Variants in TACC1 observed in about 807,000 individuals in gnomAD.
TACC1 encodes transforming acidic coiled-coil containing protein 1.
TACC1 carries 48 observed loss-of-function variants against 84.4 expected under a neutral mutation model. The observed-to-expected ratio is 0.57, with a 90% confidence interval of 0.45 to 0.72. The LOEUF (loss-of-function observed/expected upper bound fraction) is 0.72. Among genes scored for constraint, TACC1 ranks in the 30% least tolerant of loss-of-function variants. The pLI is 0.00. For missense variants in TACC1, 920 were observed against 973.0 expected (o/e 0.95, Z 0.72); for synonymous variants, 372 against 376.3 (o/e 0.99, Z 0.13).
chr8:38,738,960 G>A (rs188379516), intron 1 of TACC1, among the ~76,000 whole-genome samples: 5 of 152,096 alleles, frequency 3.3e-5, no homozygotes, highest in South Asian at 2.1e-4. Flanking sequence ...GCACAATCTC[G>A]GCTCACTGCA....
At chr8:38,782,011 ATTTCT>A (rs202046261) in intron 3 of TACC1, among the ~76,000 whole-genome samples, 2,403 of 133,872 alleles carry the variant, frequency 0.018, 29 homozygotes, top group Admixed American at 0.026. Context: ...TTTTTTGCAG[ATTTCT>A]TTTTTTTTCT....
intron 7 of TACC1, among the ~76,000 whole-genome samples, chr8:38,837,916 C>T (rs1256808655): frequency 6.6e-6 from 1 of 152,246 alleles, no homozygotes; most frequent in Non-Finnish European, 1.5e-5. Context: ...TAGCAAGACT[C>T]TACCCATAAG....
intron 3 of TACC1, among the ~76,000 whole-genome samples, chr8:38,820,972 G>A (rs1274615976): frequency 3.3e-5 from 5 of 152,144 alleles, no homozygotes; most frequent in South Asian, 4.2e-4. Context: ...TTGGGAGGCC[G>A]AGGCAGGTGG....
At chr8:38,814,375 G>A (rs139912380) in intron 2 of TACC1, among the ~76,000 whole-genome samples, 2 of 152,308 alleles carry the variant, frequency 1.3e-5, no homozygotes, top group East Asian at 3.9e-4. Flanking sequence ...ACGACTGACT[G>A]CATATATGAT....
At chr8:38,823,949 T>C (rs749273936) in intron 3 of TACC1, 7 of 1,338,088 alleles carry the variant, frequency 5.2e-6, no homozygotes, top group African/African-American at 3.0e-5. Context: ...TTTCTCCATC[T>C]GTCTGTCTCT....
At chr8:38,810,577 C>T (rs536044288) in intron 2 of TACC1, among the ~76,000 whole-genome samples, 35 of 152,090 alleles carry the variant, frequency 2.3e-4, no homozygotes, top group Middle Eastern at 6.8e-3. Flanking sequence ...GTACTCTAGC[C>T]TGGGTGACAG....
chr8:38,772,539 A>T (rs1813846381), intron 3 of TACC1, among the ~76,000 whole-genome samples: 1 of 152,164 alleles, frequency 6.6e-6, no homozygotes, highest in Non-Finnish European at 1.5e-5. Flanking sequence ...TGCAGTGAAG[A>T]GAAGGAGGCA....
rs1266611563 is a variant in TACC1, at chr8:38,790,981, C to G, written c.277+2162C>G. ...TTTTCTTCCGTAAAGATTGGCAGAT[C>G]AGAAGGGAGATTTTGAAGCTTGAAA... On this transcript the variant is annotated intron_variant, in intron 2 of 12. Coordinates refer to ENST00000317827, the MANE Select transcript of TACC1 (RefSeq NM_006283.3). Among the ~76,000 whole-genome samples, 12 of 152,170 alleles carry G rather than the reference C, an allele frequency of 7.9e-5. 1 individual carries two copies. Among genetic ancestry groups the G allele is most frequent in the Admixed American group, 6.5e-5 (1 of 15,286 alleles).
At position 38,842,444 on chromosome 8, in the gene TACC1, G is replaced by A. The variant is rs1465893727; in HGVS notation, c.2118G>A (p.Lys706=). The change falls in exon 10 of 13, where the codon AAG becomes AAA. Residue 706 remains lysine, a synonymous_variant. Transcript: ENST00000317827. ...TGAAAGGTGTTCTGGAAGGGTTCAAGAAGGTAGAGTGTTTTTTCCCTCTGT... is the reference window on the plus strand; with the variant it reads ...TGAAAGGTGTTCTGGAAGGGTTCAAAAAGGTAGAGTGTTTTTTCCCTCTGT... ...ENLKGVLEGF[K]KNEEALKKCA... is the part of the protein sequence containing the mutation. 1 of 1,605,338 alleles carries A rather than the reference G, an allele frequency of 6.2e-7. No homozygotes were observed.
Position 38,787,425 on chromosome 8 carries a change from C to T in TACC1, c.-158C>T. 1.5e-6 allele frequency: 2 copies of T among 1,352,318 alleles called. No individual in the cohort carries two copies. The highest frequency in any genetic ancestry group is 1.8e-5 in the South Asian group (1 of 54,746). The allele number at this position is 1,352,318 out of a possible 1,614,324, so 83.8% of individuals were successfully genotyped here. A position where few individuals can be genotyped will look rare whatever the true frequency, so the allele number is the denominator to read the frequency against. ...CCGGCTGCCGGCGGGAGGAAGCGCTCCACCAGGGCCCCCGACGGCACTCGT... is the reference window on the plus strand; with the variant it reads ...CCGGCTGCCGGCGGGAGGAAGCGCTTCACCAGGGCCCCCGACGGCACTCGT... On this transcript the variant is annotated 5_prime_UTR_variant, in exon 1 of 13. Transcript: ENST00000317827.
At chr8:38,790,527 C>T (rs111587155) in intron 2 of TACC1, among the ~76,000 whole-genome samples, 3,853 of 152,258 alleles carry the variant, frequency 0.025, 145 homozygotes, top group African/African-American at 0.087. Context: ...TTCTCTGTTC[C>T]AGTATCTGGC....
intron 1 of TACC1, among the ~76,000 whole-genome samples, chr8:38,731,307 C>G (rs1445486383): frequency 6.6e-6 from 1 of 152,178 alleles, no homozygotes; most frequent in African/African-American, 2.4e-5. Flanking sequence ...CATCTCAGCT[C>G]TGTCACATTT....
intron 3 of TACC1, among the ~76,000 whole-genome samples, chr8:38,773,236 G>T (rs764620948): frequency 6.6e-6 from 1 of 151,836 alleles, no homozygotes; most frequent in Non-Finnish European, 1.5e-5. Flanking sequence ...TGAGGCAGGA[G>T]AATTGCTTGA....
intron 1 of TACC1, among the ~76,000 whole-genome samples, chr8:38,732,923 CA>C (rs1435692141): frequency 6.6e-6 from 1 of 152,146 alleles, no homozygotes; most frequent in Non-Finnish European, 1.5e-5. Context: ...AGCTGATGGA[CA>C]AGAGTCATAA....
At chr8:38,734,905 C>A (rs17506599) in intron 1 of TACC1, among the ~76,000 whole-genome samples, 5 of 152,176 alleles carry the variant, frequency 3.3e-5, no homozygotes, top group African/African-American at 1.2e-4. Flanking sequence ...TCTCCAGGGC[C>A]GGTCTGGTTT....
intron 3 of TACC1, among the ~76,000 whole-genome samples, chr8:38,755,707 AAACAACAACAACAACAAC>A (rs71216684): frequency 7.1e-6 from 1 of 140,818 alleles, no homozygotes; most frequent in Non-Finnish European, 1.5e-5. Context: ...CGGTCTTTCA[AAACAACAACAACAACAAC>A]AACAACAACA....
At chr8:38,798,086 G>A (rs774907025) in intron 2 of TACC1, among the ~76,000 whole-genome samples, 1 of 151,778 alleles carries the variant, frequency 6.6e-6, no homozygotes, top group Non-Finnish European at 1.5e-5. Flanking sequence ...TTATAATCTT[G>A]GCCTTTAGAG....
intron 6 of TACC1, among the ~76,000 whole-genome samples, chr8:38,833,003 C>T (rs1829565677): frequency 6.6e-6 from 1 of 152,202 alleles, no homozygotes; most frequent in Non-Finnish European, 1.5e-5. Flanking sequence ...GGGAGAAGCA[C>T]TGGCAAACAT....
chr8:38,846,861 G>T, intron 12 of TACC1, 42 bp downstream of exon 12: 1 of 1,607,972 alleles, frequency 6.2e-7, no homozygotes, highest in South Asian at 1.1e-5. Context: ...AGAGACGTTT[G>T]GTTTTCCTCC....
Sources: gnomAD v4.1 joint callset for allele counts (sites outside exome capture counted in the v4.1 genomes callset) on GRCh38, gnomAD v4.1.1 for gene constraint, MANE v1.5 for transcripts, NCBI Gene and HGNC (gene_info 2026-07-23, HGNC 2026-07-21) for gene names.